Variants in DNAJB11 observed in about 807,000 individuals in gnomAD.
DNAJB11 encodes DnaJ heat shock protein family (Hsp40) member B11, also known as dnaJ homolog subfamily B member 11.
DNAJB11 carries 30 observed loss-of-function variants against 47.2 expected under a neutral mutation model. The observed-to-expected ratio is 0.64, with a 90% CI of 0.48 to 0.86. The LOEUF (loss-of-function observed/expected upper bound fraction) is 0.86, where lower values mean the gene tolerates loss of function less well. DNAJB11 is among the 40% of genes least tolerant of loss of function. The pLI is 0.00. For synonymous variants in DNAJB11, 151 were observed against 159.9 expected (o/e 0.94, Z 0.42); for missense variants, 357 against 440.2 (o/e 0.81, Z 1.69).
chr3:186,575,518 C>G lies in DNAJB11; in HGVS notation c.226-322C>G, dbSNP rs529302968. On this transcript the variant is annotated intron_variant, in intron 2 of 9. Coordinates refer to ENST00000265028, the MANE Select transcript of DNAJB11 (RefSeq NM_016306.6). Reference sequence around the variant, plus strand: ...TGCATGGGAAGTAAACCTGAGGAATCCGTCTTAACTCTTTCCTGTCACCAC... The same window carrying G: ...TGCATGGGAAGTAAACCTGAGGAATGCGTCTTAACTCTTTCCTGTCACCAC... Among the ~76,000 whole-genome samples the G allele has an allele frequency of 2.0e-5, 3 of 152,236 alleles. No homozygotes were observed. In the East Asian group the frequency reaches 5.8e-4, roughly 29 times the overall value.
Position 186,584,341 on chromosome 3 carries a change from T to G in DNAJB11, c.853-89T>G, listed in dbSNP as rs180910479. The G allele has an allele frequency of 6.9e-6, 9 of 1,307,510 alleles. No homozygotes were observed. In the East Asian group the frequency reaches 1.5e-4, roughly 22 times the overall value. The allele number at this position is 1,307,510 out of a possible 1,614,324, so 81.0% of individuals were successfully genotyped here. On this transcript the variant is annotated intron_variant, in intron 8 of 9. Coordinates refer to ENST00000265028, the MANE Select transcript of DNAJB11 (RefSeq NM_016306.6). ...CTTTCTTTTTGCTGAGCTGTGACAT[T>G]AGCTTTGTGTACCAGTGCTCACTAG...
At position 186,582,049 on chromosome 3, in the gene DNAJB11, C is replaced by T. The variant is rs764238700; in HGVS notation, c.654C>T (p.Asp218=). Residue 218 remains aspartate, a synonymous_variant, in exon 6 of 10, where the codon GAC becomes GAT. Coordinates refer to ENST00000265028, the MANE Select transcript of DNAJB11 (RefSeq NM_016306.6). ...LEVEIEPGVR[D]GMEYPFIGEG... Reference sequence around the variant, plus strand: ...TAGAAATAGAGCCTGGGGTGAGAGACGGCATGGAGTACCCCTTTATTGGAG... The same window carrying T: ...TAGAAATAGAGCCTGGGGTGAGAGATGGCATGGAGTACCCCTTTATTGGAG... The T allele has an allele frequency of 1.8e-5, 29 of 1,613,504 alleles. No homozygotes were observed. Among genetic ancestry groups the T allele is most frequent in the African/African-American group, 4.0e-5 (3 of 74,894 alleles).
chr3:186,585,330 C>A lies in DNAJB11; in HGVS notation c.1013-14C>A. On this transcript the variant is annotated splice_polypyrimidine_tract_variant and intron_variant, in intron 9 of 9. Coordinates refer to ENST00000265028, the MANE Select transcript of DNAJB11 (RefSeq NM_016306.6). ...TTTTTTGTTAATGGAGTCATTTGTT[C>A]ATTCTTTCTTCAGGTATCAAACAGC... 3 of 1,606,128 alleles carry A rather than the reference C, an allele frequency of 1.9e-6. No homozygotes were observed. The South Asian group carries it at 3.4e-5, about 18-fold the overall frequency.
In DNAJB11 at chr3:186,582,011, C is replaced by T. The variant is rs941713150; in HGVS notation, c.616C>T (p.Arg206Ter). 3.7e-6 allele frequency: 6 copies of T among 1,613,314 alleles called. No homozygotes were observed. The highest frequency in any genetic ancestry group is 3.4e-6 in the Non-Finnish European group (4 of 1,179,584). Residue 206 changes from arginine to a stop codon, truncating the protein, a stop_gained, in exon 6 of 10, where the codon CGA becomes TGA. Coordinates refer to ENST00000265028, the MANE Select transcript of DNAJB11 (RefSeq NM_016306.6). LOFTEE classifies it high-confidence loss of function. ...TTACCTCAGACTAGTGAATGAAGAA[C>T]GAACGCTGGAAGTAGAAATAGAGCC... The part of the protein sequence containing the change: ...CPNVKLVNEE[R>*]TLEVEIEPGV...
intron 1 of DNAJB11, 39 bp downstream of exon 1, chr3:186,571,004 T>G: frequency 1.9e-6 from 1 of 531,564 alleles, no homozygotes; most frequent in Non-Finnish European, 3.4e-6. Flanking sequence ...GGCCTGTGGG[T>G]CAGCCTTTGC....
intron 4 of DNAJB11, 146 bp from the exon 5 acceptor site, chr3:186,581,225 T>C: frequency 1.1e-6 from 1 of 876,272 alleles, no homozygotes; most frequent in Non-Finnish European, 1.7e-6. Context: ...CTTCAAAGAG[T>C]TTTGTCAGCT....
At chr3:186,578,550 A>T (rs1715377103) in intron 4 of DNAJB11, 1 of 152,236 alleles carries the variant, frequency 6.6e-6, no homozygotes, top group Non-Finnish European at 1.5e-5. Context: ...TGGAATTATT[A>T]GACTTCTTAA....
At chr3:186,576,763 T>TC (rs202144887) in intron 3 of DNAJB11, among the ~76,000 whole-genome samples, 2,585 of 151,956 alleles carry the variant, frequency 0.017, 27 homozygotes, top group African/African-American at 0.023. Context: ...GGACATCTTT[T>TC]CCCCCCGCCA....
intron 3 of DNAJB11, among the ~76,000 whole-genome samples, chr3:186,576,985 A>G (rs1715322290): frequency 6.6e-6 from 1 of 152,214 alleles, no homozygotes; most frequent in South Asian, 2.1e-4. Flanking sequence ...TTAACATTAG[A>G]TTAAACCACC....
chr3:186,582,026 G>T lies in DNAJB11; in HGVS notation c.631G>T (p.Glu211Ter), dbSNP rs1205962470. The T allele has an allele frequency of 6.2e-7, 1 of 1,613,900 alleles. No homozygotes were observed. Among genetic ancestry groups the T allele is most frequent in the African/African-American group, 1.3e-5 (1 of 75,042 alleles). Residue 211 changes from glutamate (E) to a stop codon, truncating the protein, a stop_gained, in exon 6 of 10, where the codon GAA (glutamate) becomes TAA (stop). Transcript: ENST00000265028. LOFTEE classifies it high-confidence loss of function. ...LVNEERTLEV[E>*]IEPGVRDGME... Reference sequence around the variant, plus strand: ...GAATGAAGAACGAACGCTGGAAGTAGAAATAGAGCCTGGGGTGAGAGACGG... The same window carrying T: ...GAATGAAGAACGAACGCTGGAAGTATAAATAGAGCCTGGGGTGAGAGACGG...
intron 2 of DNAJB11, among the ~76,000 whole-genome samples, chr3:186,574,973 G>GT (rs3836540): frequency 0.27 from 40,246 of 151,470 alleles, 6,691 homozygotes; most frequent in African/African-American, 0.47. Flanking sequence ...AAAAGAGAAA[G>GT]TTTTTTTTTG....
intron 2 of DNAJB11, among the ~76,000 whole-genome samples, chr3:186,572,919 A>G (rs1715134765): frequency 6.6e-6 from 1 of 152,196 alleles, no homozygotes; most frequent in African/African-American, 2.4e-5. Flanking sequence ...GATTTTTTAT[A>G]TGAGTTCTGC....
At chr3:186,578,803 T>A (rs116209087) in intron 4 of DNAJB11, 8 of 152,250 alleles carry the variant, frequency 5.3e-5, no homozygotes, top group Admixed American at 2.6e-4. Flanking sequence ...TAACTTGTCT[T>A]TTCATTATGT....
chr3:186,582,848 G>A, intron 7 of DNAJB11, 75 bp downstream of exon 7: 1 of 1,066,766 alleles, frequency 9.4e-7, no homozygotes, highest in South Asian at 1.3e-5. Context: ...AGAGCAGTTA[G>A]ACTTTTTTCT....
rs1237072790 is a variant in DNAJB11, at chr3:186,572,198, C to G, written c.172C>G (p.Pro58Ala). The G allele has an allele frequency of 6.2e-7, 1 of 1,613,906 alleles. No individual in the cohort carries two copies. The highest frequency in any genetic ancestry group is 2.2e-5 in the East Asian group (1 of 44,882). Residue 58 changes from proline (P) to alanine (A), a missense_variant, in exon 2 of 10, where the codon CCT becomes GCT. Physicochemically the swap from Pro to Ala is conservative, Grantham distance 27 (BLOSUM62 -1). Coordinates refer to ENST00000265028, the MANE Select transcript of DNAJB11 (RefSeq NM_016306.6). ...CCTGCAGCTTCATCCCGACCGGAAC[C>G]CTGATGATCCACAAGCCCAGGAGAA... ...LALQLHPDRN[P>A]DDPQAQEKFQ...
chr3:186,572,243 G>C lies in DNAJB11; in HGVS notation c.217G>C (p.Ala73Pro). The change falls in exon 2 of 10, where the codon GCT becomes CCT. Residue 73 changes from alanine to proline, a missense_variant. Physicochemically the swap from Ala to Pro is conservative, Grantham distance 27. Transcript: ENST00000265028. ...GGAGAAATTCCAGGATCTGGGTGCT[G>C]CTTATGAGGTGAGTTGGGAAAAGTG... ...AQEKFQDLGA[A>P]YEVLSDSEKR... The C allele has an allele frequency of 6.2e-7, 1 of 1,603,032 alleles. No homozygotes were observed. Among genetic ancestry groups the C allele is most frequent in the Non-Finnish European group, 8.5e-7 (1 of 1,177,194 alleles).
intron 1 of DNAJB11, 56 bp downstream of exon 1, chr3:186,571,021 GTGGGAGGGGGT>G: frequency 5.0e-6 from 5 of 1,003,448 alleles, no homozygotes; most frequent in Non-Finnish European, 7.2e-6. Context: ...TTGCTGGGGG[GTGGGAGGGGGT>G]GGGGGAAGTG....
At chr3:186,581,053 T>G (rs1715464913) in intron 4 of DNAJB11, 4 of 223,190 alleles carry the variant, frequency 1.8e-5, no homozygotes, top group Non-Finnish European at 3.6e-5. Flanking sequence ...CATGAAGTAC[T>G]TTAACTCAGT....
At chr3:186,584,981 T>C (rs1309438913) in intron 9 of DNAJB11, among the ~76,000 whole-genome samples, 2 of 152,030 alleles carry the variant, frequency 1.3e-5, no homozygotes, top group Non-Finnish European at 2.9e-5. Flanking sequence ...GGGTCCTAAA[T>C]AGTAAGAGAA....
Sources: allele counts gnomAD v4.1 joint callset (sites outside exome capture counted in the v4.1 genomes callset), GRCh38; gene constraint gnomAD v4.1.1; transcripts MANE v1.5; gene names NCBI Gene and HGNC (gene_info 2026-07-23, HGNC 2026-07-21).